The following SLC25A13 variants were observed in gnomAD, a reference collection of about 807,000 sequenced individuals.
The protein encoded by SLC25A13 is solute carrier family 25 member 13.
In SLC25A13, 70 loss-of-function variants were observed where a neutral mutation model predicts 85.5. The observed-to-expected ratio is 0.82, with a 90% CI of 0.68 to 1.00. SLC25A13 has a LOEUF of 1.00. SLC25A13 is among the 50% of genes least tolerant of loss of function. The pLI, the probability that SLC25A13 is intolerant of heterozygous loss-of-function variation, is 0.00. For missense variants in SLC25A13, 765 were observed against 819.8 expected (o/e 0.93, Z 0.82); for synonymous variants, 259 against 288.7 (o/e 0.90, Z 1.04).
chr7:96,314,106 G>A (rs907691020), intron 1 of SLC25A13, among the ~76,000 whole-genome samples: 4 of 151,930 alleles, frequency 2.6e-5, no homozygotes, highest in Non-Finnish European at 5.9e-5. Context: ...GAAGGAAGGA[G>A]AAGGAGGAGG....
At chr7:96,208,747 C>T (rs1040431442) in intron 5 of SLC25A13, 91 bp downstream of exon 5, 24 of 1,431,324 alleles carry the variant, frequency 1.7e-5, no homozygotes, top group African/African-American at 4.2e-5. Flanking sequence ...CCTCGTCATC[C>T]GCCCACCTCG....
chr7:96,138,994 A>T (rs1423047108), intron 14 of SLC25A13, among the ~76,000 whole-genome samples: 1 of 152,228 alleles, frequency 6.6e-6, no homozygotes, highest in Non-Finnish European at 1.5e-5. Flanking sequence ...GACTGGAATA[A>T]TGTGGAAGAA....
intron 14 of SLC25A13, among the ~76,000 whole-genome samples, chr7:96,136,923 T>C (rs909667429): frequency 2.0e-5 from 3 of 152,184 alleles, no homozygotes; most frequent in Non-Finnish European, 2.9e-5. Flanking sequence ...GGTTATTCAA[T>C]GCTTCTGGCA....
chr7:96,166,393 G>A (rs1225347088), intron 13 of SLC25A13, among the ~76,000 whole-genome samples: 1 of 152,136 alleles, frequency 6.6e-6, no homozygotes, highest in Non-Finnish European at 1.5e-5. Context: ...TAAGACAGAT[G>A]TTCATACTTT....
intron 3 of SLC25A13, among the ~76,000 whole-genome samples, chr7:96,262,869 C>T (rs1284652671): frequency 6.6e-6 from 1 of 152,070 alleles, no homozygotes; most frequent in Non-Finnish European, 1.5e-5. Flanking sequence ...TCTAATTCTC[C>T]ACCTCCCTTT....
chr7:96,256,644 A>C (rs570670662), intron 3 of SLC25A13, among the ~76,000 whole-genome samples: 20 of 152,320 alleles, frequency 1.3e-4, no homozygotes, highest in Non-Finnish European at 1.0e-4. Flanking sequence ...CCCACTGTCC[A>C]TATTAGACAG....
At chr7:96,171,661 A>G (rs901200620) in intron 11 of SLC25A13, 137 bp from the exon 12 acceptor site, 5 of 727,286 alleles carry the variant, frequency 6.9e-6, no homozygotes, top group Non-Finnish European at 1.2e-5. Context: ...CTTAATGAGA[A>G]TATTTGAAAT....
chr7:96,315,881 G>A (rs1584614814), intron 1 of SLC25A13, among the ~76,000 whole-genome samples: 2 of 151,750 alleles, frequency 1.3e-5, no homozygotes, highest in East Asian at 3.9e-4. Context: ...TATGATGGGT[G>A]AACAATGTGG....
At chr7:96,137,178 G>A (rs559330577) in intron 14 of SLC25A13, among the ~76,000 whole-genome samples, 1 of 152,236 alleles carries the variant, frequency 6.6e-6, no homozygotes, top group South Asian at 2.1e-4. Context: ...ATTTGAGGAG[G>A]GTGAGTTTGA....
chr7:96,197,926 G>C (rs1409715921), intron 5 of SLC25A13, among the ~76,000 whole-genome samples: 1 of 152,150 alleles, frequency 6.6e-6, no homozygotes, highest in Non-Finnish European at 1.5e-5. Context: ...ATAGGGGTCA[G>C]AGTTTAGCAC....
At chr7:96,167,833 C>T (rs6976427) in intron 13 of SLC25A13, among the ~76,000 whole-genome samples, 1,995 of 152,142 alleles carry the variant, frequency 0.013, 37 homozygotes, top group African/African-American at 0.046. Context: ...GCGGGGTGGC[C>T]CCATGCCTGT....
intron 3 of SLC25A13, among the ~76,000 whole-genome samples, chr7:96,275,999 T>C (rs912056099): frequency 5.3e-5 from 8 of 152,208 alleles, no homozygotes; most frequent in African/African-American, 1.9e-4. Flanking sequence ...AACTGCTGCA[T>C]GTGGGAAAAT....
intron 3 of SLC25A13, among the ~76,000 whole-genome samples, chr7:96,249,525 T>C (rs375420262): frequency 3.3e-5 from 5 of 152,216 alleles, no homozygotes; most frequent in Non-Finnish European, 5.9e-5. Context: ...GAAGAACCTA[T>C]ATAAATGCTG....
At chr7:96,195,826 C>T (rs142705665) in intron 5 of SLC25A13, among the ~76,000 whole-genome samples, 14 of 152,330 alleles carry the variant, frequency 9.2e-5, no homozygotes, top group African/African-American at 3.4e-4. Context: ...GCAAATATAA[C>T]CAGGCCTTAT....
intron 13 of SLC25A13, among the ~76,000 whole-genome samples, chr7:96,158,077 T>A (rs899941887): frequency 1.4e-4 from 21 of 152,206 alleles, no homozygotes; most frequent in African/African-American, 4.3e-4. Context: ...ATCTAAAGGA[T>A]AAGGGTTCAG....
At chr7:96,207,191 G>A (rs1238016283) in intron 5 of SLC25A13, among the ~76,000 whole-genome samples, 4 of 152,172 alleles carry the variant, frequency 2.6e-5, no homozygotes, top group African/African-American at 9.6e-5. Context: ...CAGGTTTAGG[G>A]CATCTTGTTT....
intron 2 of SLC25A13, among the ~76,000 whole-genome samples, chr7:96,295,581 A>ATGAGAATAT (rs1200077405): frequency 6.6e-6 from 1 of 152,172 alleles, no homozygotes; most frequent in Non-Finnish European, 1.5e-5. Flanking sequence ...ATTTCCCATA[A>ATGAGAATAT]TGAGAATATT....
At chr7:96,195,726 T>G (rs2116673229) in intron 5 of SLC25A13, among the ~76,000 whole-genome samples, 1 of 152,260 alleles carries the variant, frequency 6.6e-6, no homozygotes, top group African/African-American at 2.4e-5. Flanking sequence ...CCCACATCGT[T>G]ACTTCCACCT....
intron 15 of SLC25A13, among the ~76,000 whole-genome samples, chr7:96,129,513 A>C (rs553490170): frequency 7.9e-5 from 12 of 152,210 alleles, no homozygotes; most frequent in Non-Finnish European, 1.6e-4. Flanking sequence ...ACTACTAGCT[A>C]TTTAAAATTT....
Sources: allele counts gnomAD v4.1 joint callset (sites outside exome capture counted in the v4.1 genomes callset), GRCh38; gene constraint gnomAD v4.1.1; transcripts MANE v1.5; gene names NCBI Gene and HGNC (gene_info 2026-07-23, HGNC 2026-07-21).